SNX29: variants seen among roughly 807,000 people sequenced by gnomAD.
SNX29 encodes the protein sorting nexin 29.
Under a neutral mutation model 102.1 loss-of-function variants are expected in SNX29, and 78 were observed. That is an observed-to-expected ratio of 0.76 (90% CI 0.64 to 0.92). The LOEUF (loss-of-function observed/expected upper bound fraction) is 0.92. Ranked by LOEUF, SNX29 falls within the 40% of genes least tolerant of loss-of-function variation. The pLI is 0.00. For synonymous variants in SNX29, 580 were observed against 414.5 expected, an observed-to-expected ratio of 1.40 and a Z score of -4.85; for missense variants, 1,280 against 1,061.7, an observed-to-expected ratio of 1.21 and a Z score of -2.86.
At chr16:12,552,955 C>T (rs1406047978) in intron 20 of SNX29, among the ~76,000 whole-genome samples, 4 of 152,330 alleles carry the variant, frequency 2.6e-5, no homozygotes, top group African/African-American at 9.6e-5. Context: ...TCATCAGGAA[C>T]ATGGATTGTA....
At chr16:12,451,787 C>G (rs941593412) in intron 18 of SNX29, among the ~76,000 whole-genome samples, 4 of 152,212 alleles carry the variant, frequency 2.6e-5, no homozygotes, top group African/African-American at 7.2e-5. Context: ...TCGCTTGAAC[C>G]TGGAAGGCAG....
chr16:12,190,283 A>G (rs2076609776), intron 13 of SNX29, among the ~76,000 whole-genome samples: 2 of 152,098 alleles, frequency 1.3e-5, no homozygotes, highest in Admixed American at 1.3e-4. Flanking sequence ...CACTGACCAC[A>G]CCGAGACTCC....
intron 14 of SNX29, among the ~76,000 whole-genome samples, chr16:12,258,779 C>A (rs191975966): frequency 6.6e-6 from 1 of 152,094 alleles, no homozygotes; most frequent in African/African-American, 2.4e-5. Context: ...TGAGGTAGTT[C>A]CTGAATCAGA....
At chr16:12,408,312 G>C (rs759491341) in intron 18 of SNX29, among the ~76,000 whole-genome samples, 29 of 152,250 alleles carry the variant, frequency 1.9e-4, no homozygotes, top group Non-Finnish European at 3.2e-4. Flanking sequence ...CTGCAGCCAA[G>C]CCAGGACTTT....
In SNX29 at chr16:12,573,536, G is replaced by C. The variant is rs3169267; in HGVS notation, c.*4907G>C. On this transcript the variant is annotated 3_prime_UTR_variant, in exon 21 of 21. Transcript: ENST00000566228. ...CCAGGGATTTAGTTCTTACTGGTGC[G>C]TAAGTGTTTTCCCATCCTAACCGGA... is the stretch of plus-strand genomic sequence containing the variant. 15 of 224,048 alleles carry C rather than the reference G, an allele frequency of 6.7e-5. 1 individual carries two copies. In the South Asian group the frequency reaches 1.1e-3, roughly 16 times the overall value. 13.9% of individuals were successfully genotyped at this position (224,048 alleles called of 1,614,324 possible).
At chr16:12,398,263 G>A (rs1412687057) in intron 16 of SNX29, among the ~76,000 whole-genome samples, 183 bp from the exon 17 acceptor site, 1 of 152,086 alleles carries the variant, frequency 6.6e-6, no homozygotes, top group Admixed American at 6.5e-5. Flanking sequence ...TTTTATTGCT[G>A]CAACATCCTC....
chr16:12,384,224 C>T (rs1015387215), intron 16 of SNX29, among the ~76,000 whole-genome samples: 8 of 152,128 alleles, frequency 5.3e-5, no homozygotes, highest in Non-Finnish European at 8.8e-5. Context: ...TTCTTTCTTT[C>T]GGGTATATAC....
chr16:12,281,434 T>G (rs1237942822), intron 15 of SNX29, among the ~76,000 whole-genome samples: 4 of 152,190 alleles, frequency 2.6e-5, no homozygotes, highest in Admixed American at 2.6e-4. Context: ...AAGCCCTCTT[T>G]AAATGGCTGG....
At chr16:12,391,748 A>C (rs2083537927) in intron 16 of SNX29, among the ~76,000 whole-genome samples, 1 of 152,136 alleles carries the variant, frequency 6.6e-6, no homozygotes, top group African/African-American at 2.4e-5. Flanking sequence ...ATAGAACTTT[A>C]CCATCGCCCC....
At chr16:12,536,287 C>G (rs542848878) in intron 20 of SNX29, among the ~76,000 whole-genome samples, 2 of 151,990 alleles carry the variant, frequency 1.3e-5, no homozygotes, top group East Asian at 1.9e-4. Context: ...ATGTTTTTCT[C>G]ACTAGCTCGT....
chr16:12,434,735 C>CA (rs938420738), intron 18 of SNX29, among the ~76,000 whole-genome samples: 3 of 152,066 alleles, frequency 2.0e-5, no homozygotes, highest in African/African-American at 7.2e-5. Flanking sequence ...TCATCCAGGA[C>CA]AGTACAGGTC....
At chr16:12,149,964 G>A (rs1371062381) in intron 13 of SNX29, among the ~76,000 whole-genome samples, 2 of 152,168 alleles carry the variant, frequency 1.3e-5, no homozygotes, top group African/African-American at 4.8e-5. Flanking sequence ...GAAGCTTCAG[G>A]TTGCTCCCTG....
chr16:12,521,505 T>TAGTA, intron 19 of SNX29, among the ~76,000 whole-genome samples: 1 of 152,104 alleles, frequency 6.6e-6, no homozygotes. Context: ...ACCCCACATA[T>TAGTA]AGTAGGAAGG....
chr16:12,149,482 C>G (rs1012689690), intron 13 of SNX29, among the ~76,000 whole-genome samples: 2 of 152,070 alleles, frequency 1.3e-5, no homozygotes, highest in African/African-American at 4.8e-5. Context: ...GTTTTGTTAC[C>G]CGGGGTCATG....
intron 16 of SNX29, chr16:12,374,906 G>C (rs535035677): frequency 6.6e-6 from 1 of 152,140 alleles, no homozygotes; most frequent in African/African-American, 2.4e-5. Flanking sequence ...AGTGATACTG[G>C]CTTTCTGTTT....
At chr16:12,519,587 A>C (rs2090013489) in intron 19 of SNX29, among the ~76,000 whole-genome samples, 1 of 152,262 alleles carries the variant, frequency 6.6e-6, no homozygotes, top group Admixed American at 6.5e-5. Flanking sequence ...ACCTTAAAAC[A>C]CCTTAGCGAA....
intron 1 of SNX29, among the ~76,000 whole-genome samples, chr16:11,979,356 A>C (rs1336229426): frequency 6.6e-6 from 1 of 151,994 alleles, no homozygotes; most frequent in Non-Finnish European, 1.5e-5. Flanking sequence ...TTTAGGAAAA[A>C]GCATTAAGGA....
At chr16:12,282,972 A>G (rs373639948) in intron 15 of SNX29, among the ~76,000 whole-genome samples, 1 of 152,178 alleles carries the variant, frequency 6.6e-6, no homozygotes, top group Non-Finnish European at 1.5e-5. Context: ...TTAAGTCTTA[A>G]CTAGAGCTCA....
At chr16:12,302,124 A>G (rs2080191853) in intron 15 of SNX29, among the ~76,000 whole-genome samples, 1 of 152,126 alleles carries the variant, frequency 6.6e-6, no homozygotes, top group Non-Finnish European at 1.5e-5. Flanking sequence ...TAAGACAGAG[A>G]TGGGAAAACC....
Sources: allele counts gnomAD v4.1 joint callset (sites outside exome capture counted in the v4.1 genomes callset), GRCh38; gene constraint gnomAD v4.1.1; transcripts MANE v1.5; gene names NCBI Gene and HGNC (gene_info 2026-07-23, HGNC 2026-07-21).